SND1: variants seen among roughly 807,000 people sequenced by gnomAD.
SND1 encodes staphylococcal nuclease and tudor domain containing 1.
SND1 carries 38 observed loss-of-function variants against 121.7 expected under a neutral mutation model. The observed-to-expected ratio is 0.31, with a 90% CI of 0.24 to 0.41. SND1 has a LOEUF of 0.41. Among genes scored for constraint, SND1 ranks in the 10% least tolerant of loss-of-function variants. SND1 has a pLI of 1.00. For synonymous variants in SND1, 401 were observed against 447.4 expected, an observed-to-expected ratio of 0.90 and a Z score of 1.31; for missense variants, 868 against 1,184.6, an observed-to-expected ratio of 0.73 and a Z score of 3.92.
At chr7:127,869,000 G>A (rs950047325) in intron 12 of SND1, among the ~76,000 whole-genome samples, 2 of 152,048 alleles carry the variant, frequency 1.3e-5, no homozygotes, top group African/African-American at 4.8e-5. Flanking sequence ...TTCCAATGGG[G>A]GCAATCAGAT....
At chr7:127,791,342 A>AG (rs1222605642) in intron 10 of SND1, among the ~76,000 whole-genome samples, 1 of 151,992 alleles carries the variant, frequency 6.6e-6, no homozygotes, top group Non-Finnish European at 1.5e-5. Context: ...TTGTAGAGAC[A>AG]GGGTCTCACT....
At chr7:128,068,686 G>A (rs922317009) in intron 16 of SND1, among the ~76,000 whole-genome samples, 11 of 152,300 alleles carry the variant, frequency 7.2e-5, no homozygotes, top group Middle Eastern at 3.4e-3. Flanking sequence ...GGAGCTGGGG[G>A]CTGCTCCATG....
At chr7:127,857,247 C>T (rs1447171522) in intron 12 of SND1, among the ~76,000 whole-genome samples, 1 of 119,026 alleles carries the variant, frequency 8.4e-6, no homozygotes, top group African/African-American at 3.3e-5. Flanking sequence ...GGCTGGAGTG[C>T]AGTGGTCCTA....
At chr7:127,967,868 A>G (rs1801891589) in intron 15 of SND1, among the ~76,000 whole-genome samples, 1 of 152,230 alleles carries the variant, frequency 6.6e-6, no homozygotes, top group Admixed American at 6.5e-5. Flanking sequence ...TAAATATGCT[A>G]AAACTCATCA....
At chr7:127,890,299 C>T (rs868331282) in intron 13 of SND1, among the ~76,000 whole-genome samples, 14 of 152,202 alleles carry the variant, frequency 9.2e-5, no homozygotes, top group Middle Eastern at 6.8e-3. Context: ...CCTTTTCACA[C>T]GCCCATTTGC....
chr7:127,979,285 C>A (rs757659893), intron 15 of SND1, among the ~76,000 whole-genome samples: 3 of 152,164 alleles, frequency 2.0e-5, no homozygotes, highest in Non-Finnish European at 4.4e-5. Context: ...CATAAATTTT[C>A]TCAGCAAGGC....
intron 14 of SND1, 43 bp downstream of exon 14, chr7:127,904,862 A>G (rs759965096): frequency 5.7e-6 from 7 of 1,229,278 alleles, no homozygotes; most frequent in South Asian, 1.2e-5. Context: ...TCAGAGGCTC[A>G]AGAGCGTGTC....
intron 16 of SND1, among the ~76,000 whole-genome samples, chr7:128,037,805 G>GA (rs1213757756): frequency 6.6e-6 from 1 of 152,144 alleles, no homozygotes; most frequent in Non-Finnish European, 1.5e-5. Flanking sequence ...ACACACTCAG[G>GA]AAAAATCTGT....
chr7:127,659,103 T>A (rs1490059906), intron 1 of SND1, among the ~76,000 whole-genome samples: 1 of 152,272 alleles, frequency 6.6e-6, no homozygotes, highest in African/African-American at 2.4e-5. Context: ...ACTGGGCTTA[T>A]CTGGCTTTTC....
intron 10 of SND1, among the ~76,000 whole-genome samples, chr7:127,724,506 G>A (rs1376482424): frequency 1.3e-5 from 2 of 152,174 alleles, no homozygotes; most frequent in East Asian, 1.9e-4. Flanking sequence ...ACTCAGGAAG[G>A]GAGAGAGAAA....
intron 1 of SND1, among the ~76,000 whole-genome samples, chr7:127,656,144 T>G (rs1795206011): frequency 6.6e-6 from 1 of 152,104 alleles, no homozygotes; most frequent in Non-Finnish European, 1.5e-5. Flanking sequence ...GGCCATAATT[T>G]TCTCCTTCAA....
At chr7:127,667,751 A>G (rs1297084001) in intron 1 of SND1, among the ~76,000 whole-genome samples, 1 of 152,228 alleles carries the variant, frequency 6.6e-6, no homozygotes, top group East Asian at 1.9e-4. Flanking sequence ...GTCGAAAAAT[A>G]TTCCGAAAGC....
chr7:128,028,446 C>T, intron 16 of SND1: 1 of 447,186 alleles, frequency 2.2e-6, no homozygotes. Flanking sequence ...TGGCTTGTAC[C>T]CCACAACGTT....
intron 16 of SND1, among the ~76,000 whole-genome samples, chr7:128,034,717 A>C (rs1390514853): frequency 1.3e-5 from 2 of 152,182 alleles, no homozygotes; most frequent in Non-Finnish European, 2.9e-5. Flanking sequence ...AGCTCTGTCG[A>C]GCTCTACATC....
chr7:128,084,008 C>T (rs1793648368), intron 18 of SND1, among the ~76,000 whole-genome samples: 1 of 152,146 alleles, frequency 6.6e-6, no homozygotes, highest in South Asian at 2.1e-4. Flanking sequence ...GGAATCCCTC[C>T]TCCTGTGGCG....
rs141233912 is a variant in SND1 at position 128,085,747 on chromosome 7, C to G, written c.2271C>G (p.Ala757=). 13 of 1,613,972 alleles carry G rather than the reference C, an allele frequency of 8.1e-6. No individual in the cohort carries two copies. The highest frequency in any genetic ancestry group is 1.0e-5 in the Non-Finnish European group (12 of 1,180,018). Residue 757 remains alanine, a synonymous_variant, in exon 20 of 24, where the codon GCC becomes GCG. Coordinates refer to ENST00000354725, the MANE Select transcript of SND1 (RefSeq NM_014390.4). This position sits in a 1 kb window ranked among gnomAD's most constrained non-coding sequence, Gnocchi z 4.4. ...GAGTAGAGAAAGTCGAGTCTCCTGCCAAAATACATGTCTTCTACATTGACT... is the reference window on the plus strand; with the variant it reads ...GAGTAGAGAAAGTCGAGTCTCCTGCGAAAATACATGTCTTCTACATTGACT... ...RARVEKVESP[A]KIHVFYIDYG... is the part of the protein sequence containing the mutation.
At chr7:127,709,919 A>G (rs530047045) in intron 9 of SND1, among the ~76,000 whole-genome samples, 102 of 152,300 alleles carry the variant, frequency 6.7e-4, no homozygotes, top group African/African-American at 2.4e-3. Context: ...TAAAACAGGA[A>G]AAAAACATAA....
chr7:127,697,619 G>A (rs561970077), intron 3 of SND1, among the ~76,000 whole-genome samples: 1 of 152,206 alleles, frequency 6.6e-6, no homozygotes, highest in East Asian at 1.9e-4. Context: ...GGCCTCAGCA[G>A]TAACCTCAAC....
In SND1 at chr7:127,941,730, G is replaced by A. The variant is rs909000287; in HGVS notation, c.1669+12401G>A. 9.9e-5 allele frequency among the ~76,000 whole-genome samples: 15 copies of A among 152,132 alleles called. No homozygotes were observed. The East Asian group carries it at 1.3e-3, about 14-fold the overall frequency. On this transcript the variant is annotated intron_variant, in intron 15 of 23. Transcript: ENST00000354725. The stretch of plus-strand genomic sequence containing the variant: ...TTTTAAATTACAAGCTAGAGCAGAC[G>A]ACATTTATGCTATATTTGTACCATT...
Sources: gnomAD v4.1 joint callset for allele counts (sites outside exome capture counted in the v4.1 genomes callset) on GRCh38, gnomAD v4.1.1 for gene constraint, Gnocchi (gnomAD v3.1) non-coding constraint, MANE v1.5 for transcripts, NCBI Gene and HGNC (gene_info 2026-07-23, HGNC 2026-07-21) for gene names.